PLD5: variants seen among roughly 807,000 people sequenced by gnomAD.
The protein encoded by PLD5 is inactive phospholipase D5.
Under a neutral mutation model 61.1 loss-of-function variants are expected in PLD5, and 36 were observed. The observed-to-expected ratio is 0.59, with a 90% CI of 0.45 to 0.78. The LOEUF is 0.78. Among genes scored for constraint, PLD5 ranks in the 30% least tolerant of loss-of-function variants. The pLI, the probability that PLD5 is intolerant of heterozygous loss-of-function variation, is 0.00. For missense variants in PLD5, 515 were observed against 644.4 expected (o/e 0.80, Z 2.17); for synonymous variants, 243 against 242.8 (o/e 1.00, Z -0.01).
chr1:242,228,094 C>G (rs12239980), intron 4 of PLD5, among the ~76,000 whole-genome samples: 2 of 152,128 alleles, frequency 1.3e-5, no homozygotes, highest in Non-Finnish European at 2.9e-5. Context: ...TTAACAATGG[C>G]GTGTTCACAT....
intron 1 of PLD5, among the ~76,000 whole-genome samples, chr1:242,374,433 C>G (rs965255288): frequency 6.6e-6 from 1 of 152,092 alleles, no homozygotes; most frequent in Non-Finnish European, 1.5e-5. Context: ...TAAATGAAGC[C>G]CTCAGAGAAG....
intron 2 of PLD5, among the ~76,000 whole-genome samples, chr1:242,346,286 A>G (rs1334033094): frequency 2.0e-5 from 3 of 151,990 alleles, no homozygotes; most frequent in Non-Finnish European, 2.9e-5. Flanking sequence ...AAAAAAAATG[A>G]CCTTTTGTTG....
intron 5 of PLD5, among the ~76,000 whole-genome samples, chr1:242,198,619 C>T (rs113013046): frequency 1.7e-3 from 226 of 136,240 alleles, no homozygotes; most frequent in African/African-American, 5.8e-3. Flanking sequence ...CAGGTCACTA[C>T]TGAGTCCTTG....
chr1:242,216,039 C>T (rs1670172608), intron 5 of PLD5, among the ~76,000 whole-genome samples: 1 of 152,152 alleles, frequency 6.6e-6, no homozygotes, highest in South Asian at 2.1e-4. Context: ...GGTTAACATA[C>T]CCCCAGCGGG....
At chr1:242,241,481 C>A (rs1671999820) in intron 4 of PLD5, among the ~76,000 whole-genome samples, 1 of 152,082 alleles carries the variant, frequency 6.6e-6, no homozygotes. Flanking sequence ...CTTTTCAAAT[C>A]TCATTAAAGG....
At position 242,325,360 on chromosome 1, in the gene PLD5, T is replaced by G. The variant is rs1423327976; in HGVS notation, c.326+22746A>C. Among the ~76,000 whole-genome samples, 10 of 500 alleles carry G rather than the reference T, an allele frequency of 0.02. No homozygotes were observed. The South Asian group carries it at 0.38, about 19-fold the overall frequency. The allele number at this position is 500 out of a possible 152,430, so 0.3% of individuals were successfully genotyped here. On this transcript the variant is annotated intron_variant, in intron 2 of 9. Transcript: ENST00000536534. ...AGGGTGTTAAGCCTGCATGGCGAGA[T>G]ATATATATATATAGGGAGAGAGAGG... is the stretch of plus-strand genomic sequence containing the variant.
intron 2 of PLD5, among the ~76,000 whole-genome samples, chr1:242,307,225 C>T (rs1395385057): frequency 6.6e-6 from 1 of 152,132 alleles, no homozygotes; most frequent in Non-Finnish European, 1.5e-5. Context: ...GATGCTGCTG[C>T]TCAACTTAGA....
chr1:242,523,345 T>G (rs1399465739), intron 1 of PLD5, among the ~76,000 whole-genome samples: 1 of 137,460 alleles, frequency 7.3e-6, no homozygotes, highest in Admixed American at 6.8e-5. Context: ...TTTAGAAGGT[T>G]TTTTTTTTTT....
At chr1:242,108,209 C>T (rs1287584787) in intron 7 of PLD5, among the ~76,000 whole-genome samples, 3 of 152,102 alleles carry the variant, frequency 2.0e-5, no homozygotes, top group African/African-American at 2.4e-5. Context: ...ACCCTGAGCA[C>T]CCCCTCAGTC....
At chr1:242,375,920 C>T (rs182036861) in intron 1 of PLD5, among the ~76,000 whole-genome samples, 1 of 152,124 alleles carries the variant, frequency 6.6e-6, no homozygotes, top group East Asian at 1.9e-4. Context: ...TTGGCAGCAG[C>T]ACCCAGAACA....
chr1:242,319,526 C>G (rs1056062220), intron 2 of PLD5, among the ~76,000 whole-genome samples: 1 of 152,050 alleles, frequency 6.6e-6, no homozygotes, highest in Admixed American at 6.6e-5. Context: ...ATCTGCCCCC[C>G]AGTTTTGTTC....
At chr1:242,169,214 A>G (rs1042502978) in intron 5 of PLD5, among the ~76,000 whole-genome samples, 3 of 152,128 alleles carry the variant, frequency 2.0e-5, no homozygotes, top group Admixed American at 6.5e-5. Context: ...AAGGCAGGTG[A>G]TTTCTGCATT....
intron 4 of PLD5, among the ~76,000 whole-genome samples, chr1:242,250,545 C>A (rs1006557294): frequency 5.3e-5 from 8 of 152,152 alleles, no homozygotes; most frequent in African/African-American, 9.7e-5. Context: ...TAGACCAGTG[C>A]TATTATTTAC....
At chr1:242,420,150 T>A (rs1665059262) in intron 1 of PLD5, among the ~76,000 whole-genome samples, 1 of 152,126 alleles carries the variant, frequency 6.6e-6, no homozygotes, top group Admixed American at 6.5e-5. Flanking sequence ...TTCCAAATGG[T>A]TTATGTACAT....
chr1:242,361,315 T>C (rs561049219), intron 1 of PLD5, among the ~76,000 whole-genome samples: 16 of 152,288 alleles, frequency 1.1e-4, no homozygotes, highest in African/African-American at 3.8e-4. Flanking sequence ...TATAAGGTCA[T>C]GCCACTACTT....
At chr1:242,174,595 C>T (rs563114241) in intron 5 of PLD5, among the ~76,000 whole-genome samples, 41 of 152,278 alleles carry the variant, frequency 2.7e-4, no homozygotes, top group Admixed American at 1.1e-3. Flanking sequence ...AAGACACATG[C>T]GCATGTATGT....
chr1:242,486,060 T>C lies in PLD5; in HGVS notation c.189+38028A>G, dbSNP rs1327910192. Among the ~76,000 whole-genome samples the C allele has an allele frequency of 3.3e-5, 5 of 151,842 alleles. 1 individual carries two copies. The highest frequency in any genetic ancestry group is 4.1e-4 in the South Asian group (2 of 4,822). On this transcript the variant is annotated intron_variant, in intron 1 of 9. Coordinates refer to ENST00000536534, the MANE Select transcript of PLD5 (RefSeq NM_001372062.1). ...CCTTCCTTACACCTTATACAAAAAT[T>C]AATTCAAGATGGATTAAAGACTTAA...
chr1:242,377,962 T>G (rs1244010806), intron 1 of PLD5, among the ~76,000 whole-genome samples: 1 of 152,190 alleles, frequency 6.6e-6, no homozygotes, highest in Non-Finnish European at 1.5e-5. Flanking sequence ...TGTGGTGGTT[T>G]CTCAGAAAAA....
chr1:242,241,917 TG>T (rs1426436528), intron 4 of PLD5, among the ~76,000 whole-genome samples: 8 of 99,026 alleles, frequency 8.1e-5, no homozygotes, highest in African/African-American at 2.7e-4. Flanking sequence ...ATATACTTAC[TG>T]TATATATATA....
Sources: gnomAD v4.1 joint callset for allele counts (sites outside exome capture counted in the v4.1 genomes callset) on GRCh38, gnomAD v4.1.1 for gene constraint, MANE v1.5 for transcripts, NCBI Gene and HGNC (gene_info 2026-07-23, HGNC 2026-07-21) for gene names.